Variants in MGMT observed in about 807,000 individuals in gnomAD.
MGMT encodes methylated-DNA--protein-cysteine methyltransferase.
In MGMT, 14 loss-of-function variants were observed where a neutral mutation model predicts 15.9. The observed-to-expected ratio is 0.88, with a 90% CI of 0.58 to 1.37. The LOEUF is 1.37. Ranked by LOEUF, MGMT falls within the 40% of genes most tolerant of loss-of-function variation. The probability of loss-of-function intolerance (pLI) is 0.00; values close to 1 mark genes in which losing one functional copy is unlikely to be tolerated. For missense variants in MGMT, 282 were observed against 268.1 expected (o/e 1.05, Z -0.36); for synonymous variants, 130 against 118.2 (o/e 1.10, Z -0.65).
chr10:129,676,566 C>G (rs896059423), intron 2 of MGMT, among the ~76,000 whole-genome samples: 3 of 152,186 alleles, frequency 2.0e-5, no homozygotes, highest in Non-Finnish European at 4.4e-5. Context: ...ACACCAGGCT[C>G]TGCACGTGAC....
At chr10:129,692,230 A>G (rs1847977090) in intron 2 of MGMT, among the ~76,000 whole-genome samples, 1 of 152,194 alleles carries the variant, frequency 6.6e-6, no homozygotes, top group Admixed American at 6.5e-5. Flanking sequence ...GGAGCGTTAC[A>G]GGTGGGAGGA....
At chr10:129,554,954 G>A (rs1024151796) in intron 2 of MGMT, among the ~76,000 whole-genome samples, 1 of 152,100 alleles carries the variant, frequency 6.6e-6, no homozygotes. Context: ...GTTTCCCCAG[G>A]TATCACACAT....
At chr10:129,726,012 G>A (rs759671137) in intron 3 of MGMT, among the ~76,000 whole-genome samples, 18 of 152,120 alleles carry the variant, frequency 1.2e-4, no homozygotes, top group Admixed American at 4.6e-4. Flanking sequence ...AACGAGCCTT[G>A]GGAGAGGAGT....
chr10:129,593,253 C>G (rs1212715934), intron 2 of MGMT, among the ~76,000 whole-genome samples: 1 of 152,228 alleles, frequency 6.6e-6, no homozygotes, highest in East Asian at 1.9e-4. Flanking sequence ...ATTCCCAGGC[C>G]TCCAAGTCAT....
intron 3 of MGMT, among the ~76,000 whole-genome samples, chr10:129,740,151 G>A (rs920604445): frequency 6.6e-6 from 1 of 152,226 alleles, no homozygotes; most frequent in Non-Finnish European, 1.5e-5. Flanking sequence ...TAGAAGTCGG[G>A]GTCCGGGAAA....
intron 2 of MGMT, among the ~76,000 whole-genome samples, chr10:129,581,078 T>A (rs1470371175): frequency 6.6e-6 from 1 of 152,202 alleles, no homozygotes; most frequent in Non-Finnish European, 1.5e-5. Context: ...TGATGCTACT[T>A]TGTAAGATAA....
At chr10:129,584,974 C>T (rs1054254419) in intron 2 of MGMT, among the ~76,000 whole-genome samples, 11 of 151,776 alleles carry the variant, frequency 7.2e-5, no homozygotes, top group Admixed American at 2.0e-4. Flanking sequence ...GGTATATATA[C>T]ACACACACAC....
chr10:129,578,713 C>G (rs1197915251), intron 2 of MGMT, among the ~76,000 whole-genome samples: 1 of 152,166 alleles, frequency 6.6e-6, no homozygotes, highest in Non-Finnish European at 1.5e-5. Context: ...AGCTTGTGGA[C>G]TGTCTTTCAC....
chr10:129,730,360 G>A (rs901180852), intron 3 of MGMT, among the ~76,000 whole-genome samples: 6 of 152,174 alleles, frequency 3.9e-5, no homozygotes, highest in Non-Finnish European at 5.9e-5. Context: ...GTGTCATCTG[G>A]AATCAGATTT....
intron 2 of MGMT, among the ~76,000 whole-genome samples, chr10:129,578,454 G>A (rs1287827007): frequency 6.7e-6 from 1 of 149,730 alleles, no homozygotes; most frequent in Non-Finnish European, 1.5e-5. Flanking sequence ...AACACCGCAT[G>A]TTCTCACTCA....
intron 1 of MGMT, among the ~76,000 whole-genome samples, chr10:129,472,326 G>A (rs74889763): frequency 1.2e-4 from 18 of 152,166 alleles, no homozygotes; most frequent in Admixed American, 3.9e-4. Context: ...CGGTCTACCC[G>A]GGTAAGTATA....
At chr10:129,587,361 A>T (rs1241585897) in intron 2 of MGMT, among the ~76,000 whole-genome samples, 1 of 144,012 alleles carries the variant, frequency 6.9e-6, no homozygotes, top group African/African-American at 2.6e-5. Context: ...AGTTTCTATT[A>T]TGTTTTTGAG....
chr10:129,766,693 G>A (rs1848939252), intron 4 of MGMT, 95 bp from the exon 5 acceptor site: 2 of 1,156,866 alleles, frequency 1.7e-6, no homozygotes, highest in Non-Finnish European at 1.2e-6. Context: ...TGCTTGGTGG[G>A]CACAGGACTC....
intron 3 of MGMT, among the ~76,000 whole-genome samples, chr10:129,749,867 A>G (rs763080403): frequency 6.6e-5 from 10 of 152,164 alleles, no homozygotes; most frequent in Non-Finnish European, 1.2e-4. Flanking sequence ...TCCTAAAGAC[A>G]AATTATGTTA....
chr10:129,599,727 CTG>C (rs1846795881), intron 2 of MGMT, among the ~76,000 whole-genome samples: 1 of 152,190 alleles, frequency 6.6e-6, no homozygotes, highest in South Asian at 2.1e-4. Context: ...AGTTCTATAA[CTG>C]AATGTTTACA....
Position 129,723,884 on chromosome 10 carries a change from G to A in MGMT, c.274+15841G>A, listed in dbSNP as rs537109919. ...CTCAGATCAGACACCACCAAGTGTC[G>A]CAGAGACTGCCGCAGCCTCGCCTCT... On this transcript the variant is annotated intron_variant, in intron 3 of 4. Transcript: ENST00000651593. 2.0e-4 allele frequency among the ~76,000 whole-genome samples: 30 copies of A among 152,306 alleles called. 1 individual carries two copies. Among genetic ancestry groups the A allele is most frequent in the African/African-American group, 7.2e-4 (30 of 41,574 alleles).
At chr10:129,583,282 A>G (rs1846578743) in intron 2 of MGMT, among the ~76,000 whole-genome samples, 1 of 152,248 alleles carries the variant, frequency 6.6e-6, no homozygotes, top group Non-Finnish European at 1.5e-5. Flanking sequence ...CAATTATTCT[A>G]AAATCAACAT....
At chr10:129,688,579 A>C (rs889686717) in intron 2 of MGMT, among the ~76,000 whole-genome samples, 8 of 152,032 alleles carry the variant, frequency 5.3e-5, no homozygotes, top group Non-Finnish European at 8.8e-5. Context: ...TTCTTTGTAG[A>C]TCCTGGATAT....
chr10:129,674,165 G>A (rs1847758131), intron 2 of MGMT, among the ~76,000 whole-genome samples: 1 of 152,026 alleles, frequency 6.6e-6, no homozygotes, highest in South Asian at 2.1e-4. Flanking sequence ...TATTGCTTTG[G>A]GGACCAAAGT....
Sources: gnomAD v4.1 joint callset for allele counts (sites outside exome capture counted in the v4.1 genomes callset) on GRCh38, gnomAD v4.1.1 for gene constraint, MANE v1.5 for transcripts, NCBI Gene and HGNC (gene_info 2026-07-23, HGNC 2026-07-21) for gene names.